SEMA6D: variants seen among roughly 807,000 people sequenced by gnomAD.
SEMA6D encodes the protein semaphorin 6D, also known as semaphorin-6D.
In SEMA6D, 35 loss-of-function variants were observed where a neutral mutation model predicts 106.6. The ratio of observed to expected loss-of-function variants is 0.33; its 90% confidence interval spans 0.25 to 0.44. SEMA6D has a LOEUF of 0.44. SEMA6D is among the 20% of genes least tolerant of loss of function. The pLI is 1.00. For synonymous variants in SEMA6D, 499 were observed against 487.7 expected (o/e 1.02, Z -0.31); for missense variants, 1,185 against 1,345.9 (o/e 0.88, Z 1.87).
chr15:47,563,886 C>CA (rs1469877911), intron 3 of SEMA6D, among the ~76,000 whole-genome samples: 1 of 152,168 alleles, frequency 6.6e-6, no homozygotes, highest in Non-Finnish European at 1.5e-5. Flanking sequence ...TGTCCTGTGG[C>CA]AAAAAATAAG....
chr15:47,234,482 T>C (rs575095228), intron 1 of SEMA6D, among the ~76,000 whole-genome samples: 4 of 151,974 alleles, frequency 2.6e-5, no homozygotes, highest in Non-Finnish European at 2.9e-5. Flanking sequence ...AATCTTTTTA[T>C]TCCTCAGTCC....
chr15:47,207,993 G>GCGCGCA (rs1424944556), intron 1 of SEMA6D, among the ~76,000 whole-genome samples: 31 of 89,450 alleles, frequency 3.5e-4, no homozygotes, highest in African/African-American at 6.9e-4. Context: ...TGGCGCGCGC[G>GCGCGCA]CACACACACA....
intron 1 of SEMA6D, among the ~76,000 whole-genome samples, chr15:47,214,279 C>T (rs997241609): frequency 5.9e-5 from 9 of 151,942 alleles, no homozygotes; most frequent in African/African-American, 1.7e-4. Flanking sequence ...GTCAAGGATT[C>T]GTCTTGTTGA....
At chr15:47,726,923 A>G (rs2079794908) in intron 1 of SEMA6D, among the ~76,000 whole-genome samples, 1 of 152,122 alleles carries the variant, frequency 6.6e-6, no homozygotes, top group Non-Finnish European at 1.5e-5. Context: ...ACTCCCACTC[A>G]CTATACTTGC....
At chr15:47,283,886 G>A (rs1174583134) in intron 1 of SEMA6D, among the ~76,000 whole-genome samples, 2 of 152,170 alleles carry the variant, frequency 1.3e-5, no homozygotes, top group African/African-American at 2.4e-5. Context: ...ATCTGCTGCC[G>A]CTGTTGCCCA....
intron 1 of SEMA6D, chr15:47,718,803 G>A (rs1029128673): frequency 6.6e-6 from 1 of 152,382 alleles, no homozygotes; most frequent in South Asian, 2.1e-4. Flanking sequence ...GGCAACGAGA[G>A]GCGTTCTGCA....
At chr15:47,552,551 CACACACAT>C (rs2142430677) in intron 3 of SEMA6D, among the ~76,000 whole-genome samples, 1 of 145,228 alleles carries the variant, frequency 6.9e-6, no homozygotes, top group African/African-American at 2.5e-5. Flanking sequence ...CACACACACA[CACACACAT>C]ATGGCAAGGC....
At chr15:47,323,795 AAAAG>A in intron 1 of SEMA6D, among the ~76,000 whole-genome samples, 1 of 152,334 alleles carries the variant, frequency 6.6e-6, no homozygotes, top group Non-Finnish European at 1.5e-5. Flanking sequence ...TACGAAAAGA[AAAAG>A]AAGAAATGAA....
At chr15:47,562,727 G>A (rs1566892401) in intron 3 of SEMA6D, among the ~76,000 whole-genome samples, 2 of 152,076 alleles carry the variant, frequency 1.3e-5, no homozygotes, top group Admixed American at 1.3e-4. Context: ...TACCTTGCTG[G>A]TGGAAATGTA....
At chr15:47,637,023 G>A (rs570386213) in intron 4 of SEMA6D, among the ~76,000 whole-genome samples, 1 of 152,208 alleles carries the variant, frequency 6.6e-6, no homozygotes, top group African/African-American at 2.4e-5. Context: ...ACATAAGTGT[G>A]ATGCTGATGA....
intron 1 of SEMA6D, among the ~76,000 whole-genome samples, chr15:47,376,424 T>A (rs1455741580): frequency 6.6e-6 from 1 of 152,210 alleles, no homozygotes; most frequent in East Asian, 1.9e-4. Flanking sequence ...ACCAAACTGG[T>A]TTCACAATGG....
chr15:47,540,520 G>A (rs1466108362), intron 3 of SEMA6D, among the ~76,000 whole-genome samples: 2 of 152,008 alleles, frequency 1.3e-5, no homozygotes, highest in African/African-American at 4.8e-5. Context: ...TGAATATATT[G>A]TAGTTCCTGG....
chr15:47,467,877 T>C (rs1438548516), intron 2 of SEMA6D, among the ~76,000 whole-genome samples: 1 of 152,152 alleles, frequency 6.6e-6, no homozygotes, highest in East Asian at 1.9e-4. Context: ...CTACTAGTAA[T>C]GTGATCTGGA....
intron 3 of SEMA6D, among the ~76,000 whole-genome samples, chr15:47,578,986 C>T (rs1314439567): frequency 6.6e-6 from 1 of 152,108 alleles, no homozygotes; most frequent in African/African-American, 2.4e-5. Flanking sequence ...AAAATATTCT[C>T]CCTGTTGTGT....
intron 3 of SEMA6D, among the ~76,000 whole-genome samples, chr15:47,477,556 A>T (rs1460118635): frequency 6.6e-6 from 1 of 152,200 alleles, no homozygotes; most frequent in Non-Finnish European, 1.5e-5. Context: ...AGGAAGGCAT[A>T]TTGCTGTCAT....
chr15:47,705,826 A>G (rs1399759445), intron 4 of SEMA6D, among the ~76,000 whole-genome samples: 1 of 152,150 alleles, frequency 6.6e-6, no homozygotes, highest in Non-Finnish European at 1.5e-5. Context: ...GCTTTCTATC[A>G]AGCTCTCAAG....
intron 3 of SEMA6D, among the ~76,000 whole-genome samples, chr15:47,483,838 C>G (rs2043220613): frequency 6.6e-6 from 1 of 152,076 alleles, no homozygotes; most frequent in Non-Finnish European, 1.5e-5. Context: ...GCTATGCTAT[C>G]TCAGTCTCAA....
rs1423029958 is a variant in SEMA6D at position 47,252,090 on chromosome 15, T to C, written c.-239+67672T>C. On this transcript the variant is annotated intron_variant, in intron 1 of 19. Coordinates refer to the SEMA6D transcript ENST00000558014. Reference sequence around the variant, plus strand: ...GCTACCACGCCCGGCTAATTTTTTGTATTTTTTTAGTAGAGACGGGGTTTC... The same window carrying C: ...GCTACCACGCCCGGCTAATTTTTTGCATTTTTTTAGTAGAGACGGGGTTTC... Among the ~76,000 whole-genome samples, 3 of 150,232 alleles carry C rather than the reference T, an allele frequency of 2.0e-5. 1 individual carries two copies. The highest frequency in any genetic ancestry group is 4.4e-5 in the Non-Finnish European group (3 of 67,714).
At chr15:47,556,495 G>A (rs2045919370) in intron 3 of SEMA6D, among the ~76,000 whole-genome samples, 1 of 152,152 alleles carries the variant, frequency 6.6e-6, no homozygotes, top group Non-Finnish European at 1.5e-5. Flanking sequence ...TTATGTATGA[G>A]GTACTATGCT....
Sources: gnomAD v4.1 joint callset for allele counts (sites outside exome capture counted in the v4.1 genomes callset) on GRCh38, gnomAD v4.1.1 for gene constraint, MANE v1.5 for transcripts, NCBI Gene and HGNC (gene_info 2026-07-23, HGNC 2026-07-21) for gene names.